The following C5orf22 variants were observed in gnomAD, a reference collection of about 807,000 sequenced individuals.
The protein encoded by C5orf22 is UPF0489 protein C5orf22.
C5orf22 carries 36 observed loss-of-function variants against 48.7 expected under a neutral mutation model. The observed-to-expected ratio is 0.74, with a 90% CI of 0.57 to 0.98. The LOEUF (loss-of-function observed/expected upper bound fraction) is 0.98. C5orf22 is among the 50% of genes least tolerant of loss of function. The pLI is 0.00. For synonymous variants in C5orf22, 141 were observed against 180.8 expected, an observed-to-expected ratio of 0.78 and a Z score of 1.76; for missense variants, 486 against 521.9, an observed-to-expected ratio of 0.93 and a Z score of 0.67.
At chr5:31,552,670 C>G in intron 8 of C5orf22, 103 bp from the exon 9 acceptor site, 1 of 1,019,448 alleles carries the variant, frequency 9.8e-7, no homozygotes, top group Non-Finnish European at 1.4e-6. Flanking sequence ...GTTCAGCACA[C>G]CTTAATTTCT....
intron 4 of C5orf22, among the ~76,000 whole-genome samples, chr5:31,539,108 TAAC>T (rs1308636287): frequency 2.6e-5 from 4 of 151,874 alleles, no homozygotes; most frequent in Non-Finnish European, 5.9e-5. Flanking sequence ...CAACTAGAAA[TAAC>T]AATACAAGAG....
Position 31,538,630 on chromosome 5 carries a change from T to C in C5orf22, c.748T>C (p.Leu250=). 1 of 1,614,034 alleles carries C rather than the reference T, an allele frequency of 6.2e-7. No individual in the cohort carries two copies. The highest frequency in any genetic ancestry group is 8.5e-7 in the Non-Finnish European group (1 of 1,179,976). The change falls in exon 4 of 9, where the codon TTA becomes CTA. Residue 250 remains leucine (L), a synonymous_variant. Coordinates refer to ENST00000325366, the MANE Select transcript of C5orf22 (RefSeq NM_018356.3). ...TTTGAAGAAAGGGAAGGCATTTGTT[T>C]TAGATATTGACTTGGATTTTTTTTC... The part of the protein sequence containing the change: ...EILKKGKAFV[L]DIDLDFFSVK...
In C5orf22 at chr5:31,548,806, G is replaced by A. The variant is rs111375490; in HGVS notation, c.1060-2487G>A. The A allele has an allele frequency of 3.0e-3, 820 of 272,690 alleles. 8 individuals carry two copies. The highest frequency in any genetic ancestry group is 0.017 in the African/African-American group (758 of 44,268). The allele number at this position is 272,690 out of a possible 1,614,324, so 16.9% of individuals were successfully genotyped here. On this transcript the variant is annotated intron_variant, in intron 7 of 8. Coordinates refer to ENST00000325366, the MANE Select transcript of C5orf22 (RefSeq NM_018356.3). ...ATTTACAAAAGAAAGAGATTTAATG[G>A]ACTTAGTGTTCCACATGATTGGAGA...
rs2150082550 is a variant in C5orf22, at chr5:31,552,395, A to G, written c.1200-378A>G. Among the ~76,000 whole-genome samples the G allele has an allele frequency of 2.6e-5, 4 of 152,302 alleles. No homozygotes were observed. The South Asian group carries it at 8.3e-4, about 32-fold the overall frequency. ...TCATTTCTAGCCCTAGCACACACAT[A>G]ATAAAAGATGTTCCATCGCTAAGAT... On this transcript the variant is annotated intron_variant, in intron 8 of 8. Transcript: ENST00000325366.
chr5:31,540,292 C>T (rs1220750543), intron 4 of C5orf22, among the ~76,000 whole-genome samples: 1 of 152,162 alleles, frequency 6.6e-6, no homozygotes, highest in Non-Finnish European at 1.5e-5. Context: ...CCTGAGAATA[C>T]TCCTAAATAG....
chr5:31,550,660 T>C (rs1174739464), intron 7 of C5orf22, among the ~76,000 whole-genome samples: 1 of 152,012 alleles, frequency 6.6e-6, no homozygotes, highest in East Asian at 1.9e-4. Context: ...CTGCCTCCCG[T>C]GTTCAAGTGA....
chr5:31,540,979 C>A lies in C5orf22; in HGVS notation c.838C>A (p.Gln280Lys), dbSNP rs868667527. The change falls in exon 5 of 9, where the codon CAA becomes AAA. Residue 280 changes from glutamine to lysine, a missense_variant. Around this residue, in one of 3 missense-constraint regions of C5orf22, gnomAD observed 408 missense variants for 444.0 expected, o/e 0.92. Transcript: ENST00000325366. ...EEYKILQELY[Q>K]FKKPGTNLTE... ...GTACAAAATCTTACAAGAGCTGTAC[C>A]AATTTAAGAAACCTGGCACCAACCT... 6.2e-7 allele frequency: 1 copy of A among 1,612,338 alleles called. No homozygotes were observed. Among genetic ancestry groups the A allele is most frequent in the Non-Finnish European group, 8.5e-7 (1 of 1,178,992 alleles).
intron 4 of C5orf22, among the ~76,000 whole-genome samples, chr5:31,540,384 T>A (rs951415175): frequency 6.6e-6 from 1 of 152,128 alleles, no homozygotes; most frequent in Non-Finnish European, 1.5e-5. Flanking sequence ...TCCTACAAAG[T>A]TTGTATAGCA....
intron 1 of C5orf22, among the ~76,000 whole-genome samples, chr5:31,532,935 T>C (rs1483666167): frequency 1.3e-5 from 2 of 152,100 alleles, no homozygotes; most frequent in African/African-American, 4.8e-5. Context: ...TATTATTGTG[T>C]GCATACTGTG....
intron 1 of C5orf22, 98 bp from the exon 2 acceptor site, chr5:31,534,173 CA>C (rs1230594606): frequency 1.9e-6 from 2 of 1,041,080 alleles, no homozygotes; most frequent in Non-Finnish European, 2.8e-6. Flanking sequence ...AGTATGCTTT[CA>C]ATTATGTGCA....
At chr5:31,543,955 GA>G (rs536909681) in intron 6 of C5orf22, among the ~76,000 whole-genome samples, 12 of 151,628 alleles carry the variant, frequency 7.9e-5, no homozygotes, top group East Asian at 1.9e-4. Flanking sequence ...ATTGAAGGGA[GA>G]AAAAAAATAG....
intron 6 of C5orf22, among the ~76,000 whole-genome samples, chr5:31,542,833 C>G (rs1362604776): frequency 6.6e-6 from 1 of 152,196 alleles, no homozygotes; most frequent in Non-Finnish European, 1.5e-5. Flanking sequence ...AAACTAATCT[C>G]CCACGAACTG....
In C5orf22 at chr5:31,545,729, A is replaced by T; in HGVS notation, c.1059+17A>T. 1 of 1,498,790 alleles carries T rather than the reference A, an allele frequency of 6.7e-7. No homozygotes were observed. The highest frequency in any genetic ancestry group is 2.3e-5 in the East Asian group (1 of 43,886). The allele number at this position is 1,498,790 out of a possible 1,614,324, so 92.8% of individuals were successfully genotyped here. A position where few individuals can be genotyped will look rare whatever the true frequency, so the allele number is the denominator to read the frequency against. On this transcript the variant is annotated intron_variant, in intron 7 of 8. Coordinates refer to ENST00000325366, the MANE Select transcript of C5orf22 (RefSeq NM_018356.3). ...TATGAAATGGTAAATATTTTATATT[A>T]ATGTGTAAAATTGACCCTTTGTAAA...
At chr5:31,542,003 T>C (rs1480758448) in intron 6 of C5orf22, among the ~76,000 whole-genome samples, 2 of 152,164 alleles carry the variant, frequency 1.3e-5, no homozygotes, top group African/African-American at 4.8e-5. Flanking sequence ...TTTTTAGTCT[T>C]TGTATGGTAG....
At chr5:31,532,843 A>T (rs1741677717) in intron 1 of C5orf22, among the ~76,000 whole-genome samples, 1 of 152,132 alleles carries the variant, frequency 6.6e-6, no homozygotes, top group Non-Finnish European at 1.5e-5. Flanking sequence ...CCTGCTGTTT[A>T]GATGGGAGGC....
chr5:31,534,209 G>A lies in C5orf22; in HGVS notation c.82-63G>A. On this transcript the variant is annotated intron_variant, in intron 1 of 8. Coordinates refer to ENST00000325366, the MANE Select transcript of C5orf22 (RefSeq NM_018356.3). The stretch of plus-strand genomic sequence containing the variant: ...ATTATTTAGCATTGTTTTTCAGTCT[G>A]CAGTTGAGTGTGTGCTCATGGTTTC... The A allele has an allele frequency of 3.0e-6, 4 of 1,341,398 alleles. No individual in the cohort carries two copies. In the South Asian group the frequency reaches 3.9e-5, roughly 13 times the overall value. 83.1% of individuals were successfully genotyped at this position (1,341,398 alleles called of 1,614,324 possible).
At chr5:31,543,890 C>A (rs1184815020) in intron 6 of C5orf22, among the ~76,000 whole-genome samples, 1 of 152,046 alleles carries the variant, frequency 6.6e-6, no homozygotes, top group African/African-American at 2.4e-5. Flanking sequence ...AGTTCTATCA[C>A]AGACTTGAAA....
chr5:31,550,499 G>A (rs1033904381), intron 7 of C5orf22, among the ~76,000 whole-genome samples: 11 of 152,136 alleles, frequency 7.2e-5, no homozygotes, highest in Admixed American at 6.5e-5. Context: ...GTAGTACTAG[G>A]TGCACATATT....
chr5:31,535,596 T>TG, intron 2 of C5orf22, 148 bp from the exon 3 acceptor site: 1 of 561,174 alleles, frequency 1.8e-6, no homozygotes, highest in South Asian at 2.6e-5. Context: ...AAAATAGTTT[T>TG]GTAATAGTGA....
Sources: allele counts gnomAD v4.1 joint callset (sites outside exome capture counted in the v4.1 genomes callset), GRCh38; gene constraint gnomAD v4.1.1; regional missense constraint gnomAD v4.1.1; transcripts MANE v1.5; gene names NCBI Gene and HGNC (gene_info 2026-07-23, HGNC 2026-07-21).